ST8SIA5: variants seen among roughly 807,000 people sequenced by gnomAD.
ST8SIA5 encodes alpha-2,8-sialyltransferase 8E.
Under a neutral mutation model 40.2 loss-of-function variants are expected in ST8SIA5, and 24 were observed. The ratio of observed to expected loss-of-function variants is 0.60; its 90% CI spans 0.43 to 0.84. ST8SIA5 has a LOEUF of 0.84. ST8SIA5 is among the 40% of genes least tolerant of loss of function. ST8SIA5 has a pLI of 0.00. For synonymous variants in ST8SIA5, 198 were observed against 201.8 expected (o/e 0.98, Z 0.16); for missense variants, 465 against 498.5 (o/e 0.93, Z 0.64).
intron 1 of ST8SIA5, among the ~76,000 whole-genome samples, chr18:46,747,701 C>A (rs1422098765): frequency 6.6e-6 from 1 of 152,178 alleles, no homozygotes; most frequent in African/African-American, 2.4e-5. Flanking sequence ...TACCATTTGA[C>A]CCAGCCATCC....
intron 1 of ST8SIA5, among the ~76,000 whole-genome samples, chr18:46,715,450 T>G (rs11082552): frequency 6.6e-6 from 1 of 151,732 alleles, no homozygotes; most frequent in Admixed American, 6.6e-5. Context: ...ACACAGAAGA[T>G]AGAAAGTGGA....
intron 2 of ST8SIA5, among the ~76,000 whole-genome samples, chr18:46,702,119 C>G (rs2039623426): frequency 6.7e-6 from 1 of 149,296 alleles, no homozygotes; most frequent in African/African-American, 2.5e-5. Flanking sequence ...TGCACTCCAG[C>G]CTGGGTGACA....
intron 2 of ST8SIA5, among the ~76,000 whole-genome samples, chr18:46,694,662 G>T (rs866944068): frequency 1.3e-5 from 2 of 152,066 alleles, no homozygotes. Context: ...GGAGCTGAGT[G>T]TTACCAAGAA....
intron 1 of ST8SIA5, among the ~76,000 whole-genome samples, chr18:46,726,015 G>GATATATATAT (rs530130795): frequency 7.7e-4 from 24 of 31,100 alleles, no homozygotes; most frequent in African/African-American, 2.6e-3. Context: ...ATATATCCTG[G>GATATATATAT]ATATATATAT....
rs112184276 is a variant in ST8SIA5, at chr18:46,736,187, C to T, written c.131+20191G>A. Among the ~76,000 whole-genome samples, 59 of 152,210 alleles carry T rather than the reference C, an allele frequency of 3.9e-4. 3 individuals carry two copies. The highest frequency in any genetic ancestry group is 1.3e-3 in the African/African-American group (55 of 41,520). On this transcript the variant is annotated intron_variant, in intron 1 of 6. Transcript: ENST00000315087. ...TTTGTATTATGTCTTCGAAATCCAA[C>T]GTGTATTGTATATGTACAGACAGCA...
chr18:46,746,899 C>T (rs1449014757), intron 1 of ST8SIA5, among the ~76,000 whole-genome samples: 1 of 152,076 alleles, frequency 6.6e-6, no homozygotes, highest in Non-Finnish European at 1.5e-5. Flanking sequence ...AGAACAGAGG[C>T]CTCAGAAATA....
chr18:46,721,427 A>G (rs1356846419), intron 1 of ST8SIA5: 2 of 1,535,948 alleles, frequency 1.3e-6, no homozygotes, highest in Admixed American at 2.0e-5. Flanking sequence ...GCCCCGTCCA[A>G]TTGGTCAGCT....
chr18:46,680,324 G>A lies in ST8SIA5; in HGVS notation c.849C>T (p.Val283=). The change falls in exon 7 of 7, where the codon GTC becomes GTT. Residue 283 remains valine, a synonymous_variant. Transcript: ENST00000315087. ...GGCTGAGCCAGTAGCGCGACACGTT[G>A]ACCAGGTACTGCGGATGGAAGTAGT... ...AVYYFHPQYL[V]NVSRYWLSLG... 1 of 1,614,250 alleles carries A rather than the reference G, an allele frequency of 6.2e-7. No homozygotes were observed. Among genetic ancestry groups the A allele is most frequent in the Admixed American group, 1.7e-5 (1 of 60,038 alleles).
chr18:46,687,114 G>A (rs2039456280), intron 4 of ST8SIA5, among the ~76,000 whole-genome samples: 1 of 152,168 alleles, frequency 6.6e-6, no homozygotes, highest in Non-Finnish European at 1.5e-5. Context: ...GCCACATCTG[G>A]CCTACCGTCT....
At chr18:46,755,538 A>G (rs1219861384) in intron 1 of ST8SIA5, among the ~76,000 whole-genome samples, 1 of 152,134 alleles carries the variant, frequency 6.6e-6, no homozygotes, top group Non-Finnish European at 1.5e-5. Context: ...AGGAACCCCA[A>G]GTGTTTCCTT....
rs538781555 is a variant in ST8SIA5, at chr18:46,680,142, C to T, written c.1031G>A (p.Arg344His). ...THHYYDNVKP[R>H]PGFHAMPSEI... is the part of the protein sequence containing the mutation. ...AGAGGGCATGGCGTGGAAGCCGGGA[C>T]GCGGCTTGACGTTGTCATAGTAGTG... The change falls in exon 7 of 7, where the codon CGT becomes CAT. Residue 344 changes from arginine (R) to histidine (H), a missense_variant. Physicochemically the swap from Arg to His is conservative, Grantham distance 29 (BLOSUM62 0). Transcript: ENST00000315087. 16 of 1,614,224 alleles carry T rather than the reference C, an allele frequency of 9.9e-6. No individual in the cohort carries two copies. The Middle Eastern group carries it at 4.9e-4, about 50-fold the overall frequency.
chr18:46,726,898 C>A (rs9949646), intron 1 of ST8SIA5, among the ~76,000 whole-genome samples: 112,294 of 151,730 alleles, frequency 0.74, 41,723 homozygotes, highest in East Asian at 1. Flanking sequence ...GCAAACAGAG[C>A]GAGACTCCAT....
At chr18:46,737,121 G>T (rs981285188) in intron 1 of ST8SIA5, among the ~76,000 whole-genome samples, 3 of 152,144 alleles carry the variant, frequency 2.0e-5, no homozygotes, top group African/African-American at 7.2e-5. Flanking sequence ...TGTCTAAAAA[G>T]AAACTTTCAA....
intron 1 of ST8SIA5, among the ~76,000 whole-genome samples, chr18:46,731,052 T>C (rs1025823601): frequency 3.3e-5 from 5 of 152,216 alleles, no homozygotes; most frequent in Non-Finnish European, 5.9e-5. Context: ...AGATGAACTA[T>C]GTGTGACAAA....
intron 1 of ST8SIA5, among the ~76,000 whole-genome samples, chr18:46,716,443 G>A (rs192100863): frequency 5.7e-4 from 87 of 152,324 alleles, no homozygotes; most frequent in Non-Finnish European, 8.2e-4. Flanking sequence ...AGGAAGAAGG[G>A]TGCAGGGAGA....
chr18:46,695,281 T>C lies in ST8SIA5; in HGVS notation c.225-3026A>G, dbSNP rs1028065917. On this transcript the variant is annotated intron_variant, in intron 2 of 6. Coordinates refer to ENST00000315087, the MANE Select transcript of ST8SIA5 (RefSeq NM_013305.6). ...AGGCAAGCCTCCCCTATAGGAAGAA[T>C]ACATAGCTGGCAGGGGAGGGGTGAT... 3.9e-5 allele frequency among the ~76,000 whole-genome samples: 6 copies of C among 151,908 alleles called. No individual in the cohort carries two copies. In the East Asian group the frequency reaches 1.2e-3, roughly 29 times the overall value.
chr18:46,731,552 T>C (rs2039984887), intron 1 of ST8SIA5: 1 of 152,042 alleles, frequency 6.6e-6, no homozygotes, highest in South Asian at 2.1e-4. Flanking sequence ...GTAGCCAGAG[T>C]GGCTGCAGCC....
chr18:46,735,846 C>T, intron 1 of ST8SIA5, among the ~76,000 whole-genome samples: 1 of 151,934 alleles, frequency 6.6e-6, no homozygotes, highest in Non-Finnish European at 1.5e-5. Context: ...TTCCCGGGGT[C>T]AAGTGATCCT....
At chr18:46,742,235 C>CT (rs893746333) in intron 1 of ST8SIA5, among the ~76,000 whole-genome samples, 131 of 152,058 alleles carry the variant, frequency 8.6e-4, no homozygotes, top group African/African-American at 2.9e-3. Flanking sequence ...AATGATGACA[C>CT]TTTTTTAACA....
Sources: gnomAD v4.1 joint callset for allele counts (sites outside exome capture counted in the v4.1 genomes callset) on GRCh38, gnomAD v4.1.1 for gene constraint, MANE v1.5 for transcripts, NCBI Gene and HGNC (gene_info 2026-07-23, HGNC 2026-07-21) for gene names.